The following DCAF12 variants were observed in gnomAD, a reference collection of about 807,000 sequenced individuals.
DCAF12 encodes the protein DDB1- and CUL4-associated factor 12.
A neutral mutation model predicts 52.8 loss-of-function variants in DCAF12; 28 were observed. The ratio of observed to expected loss-of-function variants is 0.53; its 90% CI spans 0.39 to 0.73. The LOEUF is 0.73. DCAF12 is among the 30% of genes least tolerant of loss of function. The pLI is 0.00. For synonymous variants in DCAF12, 196 were observed against 215.5 expected (o/e 0.91, Z 0.79); for missense variants, 425 against 552.2 (o/e 0.77, Z 2.31).
chr9:34,096,979 A>G (rs911029453), intron 5 of DCAF12, among the ~76,000 whole-genome samples, 198 bp from the exon 6 acceptor site: 2 of 152,192 alleles, frequency 1.3e-5, no homozygotes, highest in Admixed American at 6.6e-5. Flanking sequence ...GCTGCCAGCA[A>G]TAACACAGGC....
At chr9:34,115,723 G>C (rs1427744738) in intron 2 of DCAF12, among the ~76,000 whole-genome samples, 2 of 151,960 alleles carry the variant, frequency 1.3e-5, no homozygotes, top group Non-Finnish European at 2.9e-5. Flanking sequence ...AGTGATGGGT[G>C]AACAGTTTGA....
intron 2 of DCAF12, among the ~76,000 whole-genome samples, chr9:34,118,366 T>C (rs1829118672): frequency 1.3e-5 from 2 of 152,274 alleles, no homozygotes; most frequent in South Asian, 4.1e-4. Context: ...ACTCCTGGCC[T>C]CAAGTGATCC....
chr9:34,121,520 T>C (rs1175037430), intron 2 of DCAF12, among the ~76,000 whole-genome samples: 1 of 152,204 alleles, frequency 6.6e-6, no homozygotes, highest in Admixed American at 6.5e-5. Flanking sequence ...TGGTAGTCTT[T>C]GACTGGAGAG....
At chr9:34,108,984 TTATATA>T (rs10580795) in intron 2 of DCAF12, among the ~76,000 whole-genome samples, 45 of 140,698 alleles carry the variant, frequency 3.2e-4, no homozygotes, top group African/African-American at 1.1e-3. Context: ...GTATATGTTT[TTATATA>T]TATATATATA....
intron 2 of DCAF12, among the ~76,000 whole-genome samples, chr9:34,124,749 AAAACAAAC>A (rs146296271): frequency 1.3e-5 from 2 of 152,202 alleles, no homozygotes; most frequent in African/African-American, 4.8e-5. Flanking sequence ...ATATGAGGCA[AAAACAAAC>A]AAACAAACAA....
chr9:34,098,482 T>C lies in DCAF12; in HGVS notation c.637A>G (p.Thr213Ala). The change falls in exon 5 of 9, where the codon ACA (threonine) becomes GCA (alanine). Residue 213 changes from threonine (T) to alanine (A), a missense_variant. Coordinates refer to ENST00000361264, the MANE Select transcript of DCAF12 (RefSeq NM_015397.4). Reference sequence around the variant, plus strand: ...TCACTTTTGGTCAAAACATCATCTGTCACCTCCCAGAGTCCCATAGAACCA... The same window carrying C: ...TCACTTTTGGTCAAAACATCATCTGCCACCTCCCAGAGTCCCATAGAACCA... The part of the protein sequence containing the change: ...RDGSMGLWEV[T>A]DDVLTKSDAR... 3 of 1,614,074 alleles carry C rather than the reference T, an allele frequency of 1.9e-6. No individual in the cohort carries two copies. Among genetic ancestry groups the C allele is most frequent in the Middle Eastern group, 1.7e-4 (1 of 5,998 alleles).
chr9:34,125,797 G>T, intron 1 of DCAF12: 1 of 283,720 alleles, frequency 3.5e-6, no homozygotes, highest in Non-Finnish European at 7.4e-6. Context: ...ACCGCCAACG[G>T]GGTAGTAGGC....
At chr9:34,121,076 C>G (rs1157082132) in intron 2 of DCAF12, among the ~76,000 whole-genome samples, 1 of 151,720 alleles carries the variant, frequency 6.6e-6, no homozygotes, top group Non-Finnish European at 1.5e-5. Flanking sequence ...ATCACTTGAA[C>G]CTGGGAGACG....
chr9:34,096,032 T>C (rs1828729733), intron 6 of DCAF12: 1 of 152,066 alleles, frequency 6.6e-6, no homozygotes, highest in Non-Finnish European at 1.5e-5. Flanking sequence ...TGCAAAAACA[T>C]GCCCAGGCCT....
At chr9:34,125,300 C>G (rs952636389) in intron 1 of DCAF12, 23 bp from the exon 2 acceptor site, 1 of 1,611,932 alleles carries the variant, frequency 6.2e-7, no homozygotes, top group African/African-American at 1.3e-5. Flanking sequence ...CATTAGAAAT[C>G]AGGGCTTTGG....
intron 8 of DCAF12, 97 bp downstream of exon 8, chr9:34,089,315 A>G: frequency 7.4e-7 from 1 of 1,348,350 alleles, no homozygotes; most frequent in Non-Finnish European, 1.0e-6. Flanking sequence ...CTAGTGAAAA[A>G]GTATGAGTAG....
At chr9:34,092,974 C>T (rs10971908) in intron 7 of DCAF12, among the ~76,000 whole-genome samples, 106,418 of 151,932 alleles carry the variant, frequency 0.7, 37,991 homozygotes, top group Non-Finnish European at 0.77. Flanking sequence ...GCCTCCTGAG[C>T]AGCTGGGATT....
At chr9:34,106,339 G>A (rs898671707) in intron 4 of DCAF12, 95 bp downstream of exon 4, 42 of 1,076,728 alleles carry the variant, frequency 3.9e-5, no homozygotes, top group African/African-American at 3.5e-4. Context: ...CACTGAGCCC[G>A]GCTGGGCTGT....
chr9:34,086,744 G>A lies in DCAF12; in HGVS notation c.*1606C>T, dbSNP rs923233124. On this transcript the variant is annotated 3_prime_UTR_variant, in exon 9 of 9. Transcript: ENST00000361264. ...GGTATGTGCTGTGTAACAAGTTAGG[G>A]TGGACTTGCTGTCTCTCCTCTCCAG... 1 of 152,098 alleles carries A rather than the reference G, an allele frequency of 6.6e-6. No individual in the cohort carries two copies. Among genetic ancestry groups the A allele is most frequent in the African/African-American group, 2.4e-5 (1 of 41,412 alleles). 9.4% of individuals were successfully genotyped at this position (152,098 alleles called of 1,614,324 possible). A position where few individuals can be genotyped will look rare whatever the true frequency, so the allele number is the denominator to read the frequency against.
At chr9:34,122,174 G>A (rs1014205745) in intron 2 of DCAF12, among the ~76,000 whole-genome samples, 12 of 151,972 alleles carry the variant, frequency 7.9e-5, no homozygotes, top group Non-Finnish European at 2.9e-5. Flanking sequence ...AACTAAGAAC[G>A]ACTTCCCACA....
chr9:34,096,590 C>A, intron 6 of DCAF12, 126 bp downstream of exon 6: 3 of 882,798 alleles, frequency 3.4e-6, no homozygotes, highest in South Asian at 1.7e-5. Context: ...GGCATCAGAG[C>A]GAGACTCTGC....
At chr9:34,119,789 C>A (rs1464040301) in intron 2 of DCAF12, among the ~76,000 whole-genome samples, 2 of 150,862 alleles carry the variant, frequency 1.3e-5, no homozygotes, top group Non-Finnish European at 1.5e-5. Flanking sequence ...GCAGCCTCCA[C>A]TTCCCAGACT....
chr9:34,096,745 G>A lies in DCAF12; in HGVS notation c.832C>T (p.Leu278Phe). Residue 278 changes from leucine to phenylalanine, a missense_variant, in exon 6 of 9, where the codon CTC (leucine) becomes TTC (phenylalanine). Transcript: ENST00000361264. ...GATAGTGTATTTTCAGCCTTCCAGA[G>A]ATGAAAGTAGCCATCCAGAGACACT... ...GAVSLDGYFHLWKAENTLSKL... is the reference protein window; with the variant it reads ...GAVSLDGYFHFWKAENTLSKL... 1 of 1,614,072 alleles carries A rather than the reference G, an allele frequency of 6.2e-7. No homozygotes were observed. The highest frequency in any genetic ancestry group is 1.1e-5 in the South Asian group (1 of 91,086).
intron 2 of DCAF12, 46 bp from the exon 3 acceptor site, chr9:34,107,611 G>C: frequency 6.5e-7 from 1 of 1,533,636 alleles, no homozygotes; most frequent in Non-Finnish European, 9.0e-7. Context: ...ATTTAACGTG[G>C]CCAATACAGG....
Sources: gnomAD v4.1 joint callset for allele counts (sites outside exome capture counted in the v4.1 genomes callset) on GRCh38, gnomAD v4.1.1 for gene constraint, MANE v1.5 for transcripts, NCBI Gene and HGNC (gene_info 2026-07-23, HGNC 2026-07-21) for gene names.